The following TNFRSF10B variants were observed in gnomAD, a reference collection of about 807,000 sequenced individuals.
The protein encoded by TNFRSF10B is tumor necrosis factor receptor superfamily member 10B.
TNFRSF10B carries 35 observed loss-of-function variants against 41.4 expected under a neutral mutation model. The ratio of observed to expected loss-of-function variants is 0.85; its 90% CI spans 0.65 to 1.12. The LOEUF (loss-of-function observed/expected upper bound fraction) is 1.12, where lower values mean the gene tolerates loss of function less well. TNFRSF10B is among the 50% of genes most tolerant of loss of function. The pLI is 0.00. For missense variants in TNFRSF10B, 584 were observed against 552.7 expected, an observed-to-expected ratio of 1.06 and a Z score of -0.57; for synonymous variants, 230 against 215.5, an observed-to-expected ratio of 1.07 and a Z score of -0.59.
intron 1 of TNFRSF10B, among the ~76,000 whole-genome samples, chr8:23,043,935 C>T (rs182105081): frequency 1.3e-5 from 2 of 152,180 alleles, no homozygotes; most frequent in African/African-American, 4.8e-5. Context: ...AGGCTACAAA[C>T]CTGTGTAGCA....
rs780861282 is a variant in TNFRSF10B at position 23,069,027 on chromosome 8, A to G, written c.-133T>C. The G allele has an allele frequency of 2.8e-6, 4 of 1,450,128 alleles. No individual in the cohort carries two copies. The South Asian group carries it at 4.7e-5, about 17-fold the overall frequency. 89.8% of individuals were successfully genotyped at this position (1,450,128 alleles called of 1,614,324 possible). ...CGGCCGCGTGCTGATTTATGTGTCC[A>G]GGCTGACTTGGGGCGGCGCGGCTGT... On this transcript the variant is annotated 5_prime_UTR_variant, in exon 1 of 9. Coordinates refer to ENST00000276431, the MANE Select transcript of TNFRSF10B (RefSeq NM_003842.5).
chr8:23,060,413 A>G (rs1188555452), intron 1 of TNFRSF10B, among the ~76,000 whole-genome samples: 5 of 152,088 alleles, frequency 3.3e-5, no homozygotes, highest in Non-Finnish European at 7.4e-5. Context: ...CCTCCATTCA[A>G]CAGTCTTGGC....
chr8:23,027,391 C>A, intron 6 of TNFRSF10B, 103 bp from the exon 7 acceptor site: 1 of 1,450,476 alleles, frequency 6.9e-7, no homozygotes, highest in Admixed American at 1.8e-5. Flanking sequence ...TCCCCACCCC[C>A]TCTCAGTGAG....
At chr8:23,048,270 T>C (rs1812419653) in intron 1 of TNFRSF10B, among the ~76,000 whole-genome samples, 2 of 151,930 alleles carry the variant, frequency 1.3e-5, no homozygotes, top group South Asian at 4.2e-4. Context: ...ACCCTGTTTC[T>C]ATTAAAAATA....
Position 23,021,796 on chromosome 8 carries a change from G to A in TNFRSF10B, c.*875C>T, listed in dbSNP as rs1811531417. On this transcript the variant is annotated 3_prime_UTR_variant, in exon 9 of 9. Coordinates refer to ENST00000276431, the MANE Select transcript of TNFRSF10B (RefSeq NM_003842.5). ...TCATTGAAGCCAAAGTACATCTGAGGGAGGGCTGGAACCCAGACAGTGACA... is the reference window on the plus strand; with the variant it reads ...TCATTGAAGCCAAAGTACATCTGAGAGAGGGCTGGAACCCAGACAGTGACA... 1 of 454,092 alleles carries A rather than the reference G, an allele frequency of 2.2e-6. No individual in the cohort carries two copies. The highest frequency in any genetic ancestry group is 2.3e-5 in the Admixed American group (1 of 42,574). 28.1% of individuals were successfully genotyped at this position (454,092 alleles called of 1,614,324 possible). A position where few individuals can be genotyped will look rare whatever the true frequency, so the allele number is the denominator to read the frequency against.
intron 2 of TNFRSF10B, among the ~76,000 whole-genome samples, chr8:23,040,254 A>C: frequency 7.0e-6 from 1 of 142,436 alleles, no homozygotes; most frequent in African/African-American, 2.7e-5. Context: ...ATATTTAAAT[A>C]TATATTTATT....
At chr8:23,050,584 T>A (rs188460744) in intron 1 of TNFRSF10B, among the ~76,000 whole-genome samples, 1 of 152,264 alleles carries the variant, frequency 6.6e-6, no homozygotes, top group African/African-American at 2.4e-5. Context: ...TTGACTGAAT[T>A]CTGTTTTCTT....
chr8:23,036,561 T>C (rs1219206278), intron 2 of TNFRSF10B, among the ~76,000 whole-genome samples: 2 of 152,312 alleles, frequency 1.3e-5, no homozygotes, highest in East Asian at 1.9e-4. Flanking sequence ...AGAAATCCGC[T>C]AGGCCGGGTG....
Position 23,068,783 on chromosome 8 carries a change from G to C in TNFRSF10B, c.112C>G (p.Leu38Val). The C allele has an allele frequency of 6.2e-7, 1 of 1,605,656 alleles. No homozygotes were observed. Among genetic ancestry groups the C allele is most frequent in the Non-Finnish European group, 8.5e-7 (1 of 1,176,434 alleles). The change falls in exon 1 of 9, where the codon CTT becomes GTT. Residue 38 changes from leucine to valine, a missense_variant. Coordinates refer to ENST00000276431, the MANE Select transcript of TNFRSF10B (RefSeq NM_003842.5). ...AGGACCGCGGCGACAACGAGCACAA[G>C]GGTCTTGGGGACCCGGGGCCCAGGC... Reference protein sequence around the residue: ...ARPGPRVPKTLVLVVAAVLLL... With the variant: ...ARPGPRVPKTVVLVVAAVLLL...
rs1811540980 is a variant in TNFRSF10B at position 23,022,032 on chromosome 8, G to A, written c.*639C>T. 2.2e-6 allele frequency: 1 copy of A among 449,700 alleles called. No individual in the cohort carries two copies. Among genetic ancestry groups the A allele is most frequent in the Non-Finnish European group, 4.5e-6 (1 of 223,768 alleles). The allele number at this position is 449,700 out of a possible 1,614,324, so 27.9% of individuals were successfully genotyped here. A position where few individuals can be genotyped will look rare whatever the true frequency, so the allele number is the denominator to read the frequency against. On this transcript the variant is annotated 3_prime_UTR_variant, in exon 9 of 9. Transcript: ENST00000276431. Reference sequence around the variant, plus strand: ...CCACCGCTTTGGGAGTCTGAGGTGGGCAGACTGCTTGAGTCCAGGAATTCG... The same window carrying A: ...CCACCGCTTTGGGAGTCTGAGGTGGACAGACTGCTTGAGTCCAGGAATTCG...
rs530894290 is a variant in TNFRSF10B, at chr8:23,038,522, T to A, written c.250+4616A>T. ...TAAGCGAATATCTGTGTTTTCTTCC[T>A]TCTCTTATCCCCTTGTTATGTAACA... On this transcript the variant is annotated intron_variant, in intron 2 of 8. Coordinates refer to ENST00000276431, the MANE Select transcript of TNFRSF10B (RefSeq NM_003842.5). Among the ~76,000 whole-genome samples, 3 of 152,368 alleles carry A rather than the reference T, an allele frequency of 2.0e-5. No homozygotes were observed. In the South Asian group the frequency reaches 6.2e-4, roughly 32 times the overall value.
At chr8:23,066,503 C>A (rs1175834648) in intron 1 of TNFRSF10B, among the ~76,000 whole-genome samples, 1 of 152,158 alleles carries the variant, frequency 6.6e-6, no homozygotes, top group Non-Finnish European at 1.5e-5. Context: ...AGAACAGATA[C>A]TAAGTTAGCT....
chr8:23,044,358 A>C (rs7836280), intron 1 of TNFRSF10B, among the ~76,000 whole-genome samples: 1 of 152,048 alleles, frequency 6.6e-6, no homozygotes, highest in Non-Finnish European at 1.5e-5. Context: ...TGTGCATCCA[A>C]TGATGATCAA....
At chr8:23,048,320 C>T (rs1646105336) in intron 1 of TNFRSF10B, among the ~76,000 whole-genome samples, 1 of 151,608 alleles carries the variant, frequency 6.6e-6, no homozygotes, top group East Asian at 1.9e-4. Flanking sequence ...TCTGTAATCC[C>T]AGCTACTCAG....
Position 23,020,467 on chromosome 8 carries a change from G to C in TNFRSF10B, c.*2204C>G, listed in dbSNP as rs1037227091. 2.2e-6 allele frequency: 1 copy of C among 454,022 alleles called. No individual in the cohort carries two copies. The highest frequency in any genetic ancestry group is 4.4e-6 in the Non-Finnish European group (1 of 226,736). 28.1% of individuals were successfully genotyped at this position (454,022 alleles called of 1,614,324 possible). ...TCCCAGCACTTTCGGAGGCCAAGGT[G>C]GATCACCTGAGGTCAGGAGTTCGAG... On this transcript the variant is annotated 3_prime_UTR_variant, in exon 9 of 9. Coordinates refer to ENST00000276431, the MANE Select transcript of TNFRSF10B (RefSeq NM_003842.5).
intron 2 of TNFRSF10B, chr8:23,042,929 G>A (rs978773910): frequency 1.6e-5 from 9 of 549,494 alleles, no homozygotes; most frequent in South Asian, 1.4e-4. Flanking sequence ...TCTCTCTCAA[G>A]GTTCCTATCA....
chr8:23,046,402 C>T (rs758180944), intron 1 of TNFRSF10B, among the ~76,000 whole-genome samples: 96 of 151,590 alleles, frequency 6.3e-4, no homozygotes, highest in South Asian at 1.7e-3. Flanking sequence ...TGTTAAAAAC[C>T]GTAAAACACT....
chr8:23,043,213 G>T lies in TNFRSF10B; in HGVS notation c.175C>A (p.Gln59Lys). 1.2e-6 allele frequency: 2 copies of T among 1,614,148 alleles called. No individual in the cohort carries two copies. The highest frequency in any genetic ancestry group is 1.7e-6 in the Non-Finnish European group (2 of 1,180,032). Reference sequence around the variant, plus strand: ...GCTCTCTGCTGGGGAGCTAGGTCTTGTTGGGTGATCAGAGCAGACTCAGCT... The same window carrying T: ...GCTCTCTGCTGGGGAGCTAGGTCTTTTTGGGTGATCAGAGCAGACTCAGCT... ...VSAESALITQ[Q>K]DLAPQQRAAP... is the part of the protein sequence containing the mutation. Residue 59 changes from glutamine (Q) to lysine (K), a missense_variant, in exon 2 of 9, where the codon CAA (glutamine) becomes AAA (lysine). Coordinates refer to ENST00000276431, the MANE Select transcript of TNFRSF10B (RefSeq NM_003842.5).
chr8:23,026,367 C>T (rs1811701642), intron 7 of TNFRSF10B, among the ~76,000 whole-genome samples: 1 of 151,154 alleles, frequency 6.6e-6, no homozygotes, highest in African/African-American at 2.4e-5. Flanking sequence ...AGGGCAAAGG[C>T]AAGGGAAAAA....
Sources: gnomAD v4.1 joint callset for allele counts (sites outside exome capture counted in the v4.1 genomes callset) on GRCh38, gnomAD v4.1.1 for gene constraint, MANE v1.5 for transcripts, NCBI Gene and HGNC (gene_info 2026-07-23, HGNC 2026-07-21) for gene names.